SLC22A5: variants seen among roughly 807,000 people sequenced by gnomAD.
SLC22A5 encodes solute carrier family 22 member 5.
SLC22A5 carries 44 observed loss-of-function variants against 56.7 expected under a neutral mutation model. That is an observed-to-expected ratio of 0.78 (90% CI 0.61 to 1.00). SLC22A5 has a LOEUF of 1.00. Ranked by LOEUF, SLC22A5 falls within the 50% of genes least tolerant of loss-of-function variation. The pLI is 0.00. For synonymous variants in SLC22A5, 278 were observed against 292.1 expected (o/e 0.95, Z 0.49); for missense variants, 675 against 723.0 (o/e 0.93, Z 0.76).
At position 132,390,172 on chromosome 5, in the gene SLC22A5, C is replaced by T. The variant is rs573683832; in HGVS notation, c.1053-518C>T. The stretch of plus-strand genomic sequence containing the variant: ...ACAAGTACCGCGGGGCTGGTGTCAG[C>T]TGTCTCTGACCAGCCTCTTCCTGAC... On this transcript the variant is annotated intron_variant, in intron 6 of 9. Coordinates refer to ENST00000245407, the MANE Select transcript of SLC22A5 (RefSeq NM_003060.4). The T allele has an allele frequency of 2.9e-5, 6 of 204,200 alleles. No homozygotes were observed. In the South Asian group the frequency reaches 4.7e-4, roughly 16 times the overall value. The allele number at this position is 204,200 out of a possible 1,614,324, so 12.6% of individuals were successfully genotyped here.
chr5:132,386,047 G>C (rs532884409), intron 4 of SLC22A5, among the ~76,000 whole-genome samples: 1 of 152,354 alleles, frequency 6.6e-6, no homozygotes, highest in Admixed American at 6.5e-5. Flanking sequence ...AGCCCAAGTG[G>C]AGCAGAGAGC....
In SLC22A5 at chr5:132,377,226, G is replaced by A. The variant is rs935043467; in HGVS notation, c.394-1152G>A. On this transcript the variant is annotated intron_variant, in intron 1 of 9. Coordinates refer to ENST00000245407, the MANE Select transcript of SLC22A5 (RefSeq NM_003060.4). ...CTGTGCGCCCACACTGCCCAGCAGT[G>A]CGGAGAAGCAGGCTTGTTTTTCCCT... 14 of 152,476 alleles carry A rather than the reference G, an allele frequency of 9.2e-5. No homozygotes were observed. The East Asian group carries it at 2.5e-3, about 27-fold the overall frequency. 9.4% of individuals were successfully genotyped at this position (152,476 alleles called of 1,614,324 possible).
intron 1 of SLC22A5, chr5:132,378,058 T>G (rs1000631059): frequency 6.6e-7 from 1 of 1,515,478 alleles, no homozygotes; most frequent in East Asian, 2.5e-5. Context: ...AGCCCTGGGC[T>G]CCGCTCAGAT....
intron 1 of SLC22A5, chr5:132,376,516 A>G (rs955290729): frequency 1.3e-5 from 2 of 152,202 alleles, no homozygotes; most frequent in African/African-American, 4.8e-5. Context: ...CTTGCCAGCC[A>G]AGGAGTCTTT....
rs1370546808 is a variant in SLC22A5 at position 132,385,392 on chromosome 5, T to C, written c.717T>C (p.Tyr239=). The C allele has an allele frequency of 3.7e-6, 6 of 1,613,944 alleles. No homozygotes were observed. The highest frequency in any genetic ancestry group is 2.2e-5 in the East Asian group (1 of 44,900). ...IFSTLGVCIF[Y]AFGYMVLPLF... is the part of the protein sequence containing the mutation. ...CTACGTTAGGAGTGTGCATATTTTATGCATTTGGCTACATGGTGCTGCCAC... is the reference window on the plus strand; with the variant it reads ...CTACGTTAGGAGTGTGCATATTTTACGCATTTGGCTACATGGTGCTGCCAC... The change falls in exon 4 of 10, where the codon TAT becomes TAC. Residue 239 remains tyrosine, a synonymous_variant. Transcript: ENST00000245407.
chr5:132,383,727 C>A (rs761679012), intron 2 of SLC22A5: 3 of 257,780 alleles, frequency 1.2e-5, no homozygotes, highest in African/African-American at 2.3e-5. Context: ...TTGCTGTTCA[C>A]ATAGTTTACA....
intron 8 of SLC22A5, among the ~76,000 whole-genome samples, chr5:132,393,080 A>G (rs1219442998): frequency 6.6e-6 from 1 of 152,184 alleles, no homozygotes; most frequent in Non-Finnish European, 1.5e-5. Context: ...GATCCACCCC[A>G]TGCCATTTTA....
At chr5:132,382,897 C>T (rs1752399019) in intron 2 of SLC22A5, 1 of 152,156 alleles carries the variant, frequency 6.6e-6, no homozygotes, top group African/African-American at 2.4e-5. Flanking sequence ...GGGTGTCAGC[C>T]AGTACTGGCC....
chr5:132,390,566 T>C (rs1293782901), intron 6 of SLC22A5, 124 bp from the exon 7 acceptor site: 6 of 775,638 alleles, frequency 7.7e-6, no homozygotes, highest in African/African-American at 1.7e-5. Context: ...CAGTTACTGC[T>C]GCCTTACTAG....
intron 1 of SLC22A5, among the ~76,000 whole-genome samples, chr5:132,371,796 T>C (rs1751944250): frequency 6.6e-6 from 1 of 151,912 alleles, no homozygotes; most frequent in Non-Finnish European, 1.5e-5. Flanking sequence ...GGAGAGTTCA[T>C]AGAGAGGGAG....
intron 2 of SLC22A5, chr5:132,383,201 C>G (rs1316718871): frequency 6.6e-6 from 1 of 152,336 alleles, no homozygotes; most frequent in East Asian, 1.9e-4. Context: ...AACCGCTAGC[C>G]TGACTCCTGT....
At chr5:132,387,224 A>C (rs1199776577) in intron 5 of SLC22A5, 73 bp downstream of exon 5, 10 of 1,578,684 alleles carry the variant, frequency 6.3e-6, no homozygotes, top group Admixed American at 1.7e-5. Flanking sequence ...CCAGCCCTGA[A>C]GTCCTCCCTG....
intron 2 of SLC22A5, chr5:132,381,214 A>G (rs1050683782): frequency 2.6e-5 from 4 of 152,234 alleles, no homozygotes; most frequent in Non-Finnish European, 5.9e-5. Context: ...GGGAAACTGG[A>G]AACAAAATTT....
intron 2 of SLC22A5, chr5:132,382,792 A>C (rs1252202077): frequency 6.6e-6 from 1 of 152,206 alleles, no homozygotes; most frequent in African/African-American, 2.4e-5. Context: ...CAGTTATACT[A>C]TGACACTCCT....
chr5:132,379,292 A>C (rs944695264), intron 2 of SLC22A5: 8 of 152,272 alleles, frequency 5.3e-5, no homozygotes, highest in African/African-American at 2.4e-5. Flanking sequence ...AGAGAGTAGC[A>C]GCCTTCAGCA....
intron 1 of SLC22A5, among the ~76,000 whole-genome samples, chr5:132,371,598 T>C (rs561572552): frequency 1.3e-5 from 2 of 152,244 alleles, no homozygotes; most frequent in South Asian, 4.2e-4. Flanking sequence ...AAGTAGCCAG[T>C]GAATAGCCCT....
At chr5:132,389,129 C>G in intron 6 of SLC22A5, 108 bp downstream of exon 6, 1 of 742,818 alleles carries the variant, frequency 1.3e-6, no homozygotes, top group South Asian at 1.4e-5. Flanking sequence ...CCTATGTCAT[C>G]AGAGAGTGAA....
intron 5 of SLC22A5, chr5:132,387,734 C>A (rs1042011453): frequency 1.1e-5 from 2 of 180,484 alleles, no homozygotes; most frequent in Non-Finnish European, 2.4e-5. Context: ...CCACCCCTCC[C>A]GTCAGCCCTG....
chr5:132,369,877 G>A lies in SLC22A5; in HGVS notation c.-96G>A. ...GACGGTCTTGGGTCGCCTGCTGCCT[G>A]GCTTGCCTGGTCGGCGGCGGGTGCC... On this transcript the variant is annotated 5_prime_UTR_variant, in exon 1 of 10. Transcript: ENST00000245407. 6.6e-7 allele frequency: 1 copy of A among 1,514,294 alleles called. No homozygotes were observed. The highest frequency in any genetic ancestry group is 8.9e-7 in the Non-Finnish European group (1 of 1,129,552). 93.8% of individuals were successfully genotyped at this position (1,514,294 alleles called of 1,614,324 possible).
Sources: allele counts gnomAD v4.1 joint callset (sites outside exome capture counted in the v4.1 genomes callset), GRCh38; gene constraint gnomAD v4.1.1; transcripts MANE v1.5; gene names NCBI Gene and HGNC (gene_info 2026-07-23, HGNC 2026-07-21).